MID1: variants seen among roughly 807,000 people sequenced by gnomAD.
MID1 encodes the protein midline 1.
Under a neutral mutation model 40.4 loss-of-function variants are expected in MID1, and 7 were observed. The ratio of observed to expected loss-of-function variants is 0.17; its 90% confidence interval spans 0.10 to 0.33. The LOEUF (loss-of-function observed/expected upper bound fraction) is 0.33, where lower values mean the gene tolerates loss of function less well. Ranked by LOEUF, MID1 falls within the 10% of genes least tolerant of loss-of-function variation. The pLI, the probability that MID1 is intolerant of heterozygous loss-of-function variation, is 1.00. For synonymous variants in MID1, 229 were observed against 221.2 expected, an observed-to-expected ratio of 1.04 and a Z score of -0.31; for missense variants, 367 against 558.5, an observed-to-expected ratio of 0.66 and a Z score of 3.46.
chrX:10,655,511 G>A (rs1470172264), intron 1 of MID1, among the ~76,000 whole-genome samples: 1 of 111,110 alleles, frequency 9.0e-6, no homozygotes, highest in Non-Finnish European at 1.9e-5. Context: ...ATAGAAACAG[G>A]AAGAAGCAGA....
intron 4 of MID1, among the ~76,000 whole-genome samples, chrX:10,493,947 G>A (rs760874188): frequency 1.8e-5 from 2 of 112,466 alleles, no homozygotes; most frequent in Admixed American, 9.4e-5. Flanking sequence ...AGGTGGCCAT[G>A]TGTCTGAGAA....
chrX:10,700,139 A>AT (rs1421985958), intron 1 of MID1, among the ~76,000 whole-genome samples: 1 of 111,620 alleles, frequency 9.0e-6, no homozygotes, highest in African/African-American at 3.3e-5. Context: ...TAGTTTTAAT[A>AT]AAGTTTTACT....
At chrX:10,468,244 G>A (rs1291077548) in intron 7 of MID1, among the ~76,000 whole-genome samples, 3 of 111,867 alleles carry the variant, frequency 2.7e-5, no homozygotes, top group Admixed American at 9.5e-5. Flanking sequence ...GAGGAAGTTG[G>A]AGAAGTTGGG....
chrX:10,771,117 A>AT (rs2043765365), intron 1 of MID1, among the ~76,000 whole-genome samples: 1 of 110,311 alleles, frequency 9.1e-6, no homozygotes, highest in Non-Finnish European at 1.9e-5. Context: ...AAAAAAAAAA[A>AT]AAAAGATTCT....
chrX:10,550,254 C>T lies in MID1; in HGVS notation c.660+16634G>A, dbSNP rs148360360. On this transcript the variant is annotated intron_variant, in intron 2 of 9. Coordinates refer to ENST00000317552, the MANE Select transcript of MID1 (RefSeq NM_000381.4). ...CAGGCTCTCCTGTCTCTGACACAGA[C>T]GGCTACACCTGGAAGGTAGTCCTGA... Among the ~76,000 whole-genome samples the T allele has an allele frequency of 4.6e-3, 515 of 112,563 alleles. 4 individuals carry two copies. The highest frequency in any genetic ancestry group is 0.015 in the African/African-American group (477 of 30,993).
At chrX:10,463,856 A>T in intron 7 of MID1, among the ~76,000 whole-genome samples, 1 of 112,785 alleles carries the variant, frequency 8.9e-6, no homozygotes, top group Non-Finnish European at 1.9e-5. Flanking sequence ...TTTGGTCACT[A>T]CAAATGTGAA....
chrX:10,741,109 A>G (rs1380800167), intron 1 of MID1, among the ~76,000 whole-genome samples: 2 of 112,040 alleles, frequency 1.8e-5, no homozygotes, highest in African/African-American at 6.5e-5. Flanking sequence ...TGTCAACATC[A>G]ATTTTGTGTA....
rs1934606580 is a variant in MID1, at chrX:10,567,646, A to G, written c.-56-43T>C. On this transcript the variant is annotated intron_variant, in intron 1 of 9. Transcript: ENST00000317552. Reference sequence around the variant, plus strand: ...AGATTTGATTAGGCACAGGGAGGTCAACCATAGGGGGGTGTCAGCTTTGAA... The same window carrying G: ...AGATTTGATTAGGCACAGGGAGGTCGACCATAGGGGGGTGTCAGCTTTGAA... 1.4e-5 allele frequency: 13 copies of G among 955,088 alleles called. No individual in the cohort carries two copies. In the South Asian group the frequency reaches 2.6e-4, roughly 19 times the overall value. The allele number at this position is 955,088 out of a possible 1,213,427, so 78.7% of individuals were successfully genotyped here. A position where few individuals can be genotyped will look rare whatever the true frequency, so the allele number is the denominator to read the frequency against.
At chrX:10,718,366 T>C (rs181776953) in intron 1 of MID1, among the ~76,000 whole-genome samples, 3 of 111,473 alleles carry the variant, frequency 2.7e-5, no homozygotes, top group Middle Eastern at 4.6e-3. Flanking sequence ...AAAGGGGATA[T>C]CACCACTGAT....
chrX:10,805,832 C>A (rs1169945339), intron 1 of MID1, among the ~76,000 whole-genome samples: 1 of 108,025 alleles, frequency 9.3e-6, no homozygotes, highest in African/African-American at 3.4e-5. Context: ...TGATGGTGAG[C>A]ATTTTTTCAT....
chrX:10,716,245 C>T (rs183879040), intron 1 of MID1, among the ~76,000 whole-genome samples: 8 of 111,769 alleles, frequency 7.2e-5, no homozygotes, highest in Middle Eastern at 4.6e-3. Flanking sequence ...CAGACTACTC[C>T]GACCTAAAGG....
intron 1 of MID1, among the ~76,000 whole-genome samples, chrX:10,592,550 G>C (rs1281178496): frequency 9.0e-6 from 1 of 110,596 alleles, no homozygotes; most frequent in Non-Finnish European, 1.9e-5. Flanking sequence ...GAAGATGGAA[G>C]TCAAATCACA....
At chrX:10,484,025 G>A (rs1409256761) in intron 4 of MID1, among the ~76,000 whole-genome samples, 1 of 112,251 alleles carries the variant, frequency 8.9e-6, no homozygotes, top group Non-Finnish European at 1.9e-5. Flanking sequence ...ACTGTCCCCA[G>A]TGGATTAATT....
intron 3 of MID1, among the ~76,000 whole-genome samples, chrX:10,504,848 T>C (rs1481688916): frequency 9.0e-6 from 1 of 110,538 alleles, no homozygotes; most frequent in African/African-American, 3.3e-5. Flanking sequence ...AACTCTGCTA[T>C]TGTAGTGTGA....
chrX:10,609,050 T>G (rs1207143101), intron 1 of MID1, among the ~76,000 whole-genome samples: 1 of 111,871 alleles, frequency 8.9e-6, no homozygotes, highest in Non-Finnish European at 1.9e-5. Flanking sequence ...CTATTTGGTG[T>G]TGTTTTAGCA....
intron 3 of MID1, among the ~76,000 whole-genome samples, chrX:10,497,254 G>C (rs1931303692): frequency 8.9e-6 from 1 of 112,303 alleles, no homozygotes; most frequent in Non-Finnish European, 1.9e-5. Flanking sequence ...CATTATGATG[G>C]AGGAAGTAAA....
intron 1 of MID1, among the ~76,000 whole-genome samples, chrX:10,664,028 T>C (rs1445552612): frequency 9.0e-6 from 1 of 111,341 alleles, no homozygotes; most frequent in African/African-American, 3.3e-5. Context: ...CTTTGGTTTG[T>C]GATAGTCCTA....
intron 1 of MID1, among the ~76,000 whole-genome samples, chrX:10,595,630 A>G (rs2147514178): frequency 8.9e-6 from 1 of 112,330 alleles, no homozygotes; most frequent in Admixed American, 9.4e-5. Flanking sequence ...ATAGCAGTAG[A>G]GAGTAGAACA....
intron 1 of MID1, among the ~76,000 whole-genome samples, chrX:10,808,718 A>G (rs1230671818): frequency 9.0e-6 from 1 of 111,564 alleles, no homozygotes; most frequent in African/African-American, 3.2e-5. Context: ...AAAACTGGCT[A>G]GCCATATGTA....
Sources: gnomAD v4.1 joint callset for allele counts (sites outside exome capture counted in the v4.1 genomes callset) on GRCh38, gnomAD v4.1.1 for gene constraint, MANE v1.5 for transcripts, NCBI Gene and HGNC (gene_info 2026-07-23, HGNC 2026-07-21) for gene names.